GLYATL2: variants seen among roughly 807,000 people sequenced by gnomAD.
GLYATL2 encodes the protein glycine-N-acyltransferase like 2, also known as glycine N-acyltransferase-like protein 2.
GLYATL2 carries 25 observed loss-of-function variants against 21.4 expected under a neutral mutation model. That is an observed-to-expected ratio of 1.17 (90% CI 0.85 to 1.63). GLYATL2 has a LOEUF of 1.63. GLYATL2 is among the 40% of genes most tolerant of loss of function. GLYATL2 has a pLI of 0.00. For missense variants in GLYATL2, 361 were observed against 343.3 expected (o/e 1.05, Z -0.41); for synonymous variants, 114 against 118.2 (o/e 0.96, Z 0.23).
chr11:58,882,153 C>T lies in GLYATL2; in HGVS notation n.60+22003G>A, dbSNP rs148499647. Reference sequence around the variant, plus strand: ...TAGTTCTAGATCCCTGAGGAATCACCGCACTGTCTTCCACAATGGCTGAAC... The same window carrying T: ...TAGTTCTAGATCCCTGAGGAATCACTGCACTGTCTTCCACAATGGCTGAAC... On this transcript the variant is annotated intron_variant and non_coding_transcript_variant, in intron 1 of 4. Transcript: ENST00000533636. 2.2e-3 allele frequency among the ~76,000 whole-genome samples: 342 copies of T among 152,300 alleles called. 1 individual carries two copies. The highest frequency in any genetic ancestry group is 7.7e-3 in the African/African-American group (319 of 41,566).
At chr11:58,888,547 A>G (rs1214510497) in intron 1 of GLYATL2, among the ~76,000 whole-genome samples, 1 of 151,984 alleles carries the variant, frequency 6.6e-6, no homozygotes, top group African/African-American at 2.4e-5. Context: ...TAATTACATT[A>G]GTACTATTTA....
intron 1 of GLYATL2, among the ~76,000 whole-genome samples, chr11:58,860,980 C>G (rs541938160): frequency 2.4e-4 from 37 of 152,030 alleles, no homozygotes; most frequent in Admixed American, 2.2e-3. Flanking sequence ...TTTTGACATG[C>G]TGTTGAGATT....
At chr11:58,892,061 A>T (rs552511467) in intron 1 of GLYATL2, among the ~76,000 whole-genome samples, 2 of 152,294 alleles carry the variant, frequency 1.3e-5, no homozygotes, top group South Asian at 2.1e-4. Context: ...GCAGTAGCTT[A>T]TAGGCCTAGG....
chr11:58,840,365 T>C (rs143517051), intron 1 of GLYATL2, among the ~76,000 whole-genome samples: 107 of 152,220 alleles, frequency 7.0e-4, no homozygotes, highest in African/African-American at 2.5e-3. Flanking sequence ...TATTATAATA[T>C]ACTGTATATA....
intron 1 of GLYATL2, among the ~76,000 whole-genome samples, chr11:58,862,804 C>A (rs1239265863): frequency 6.9e-6 from 1 of 144,178 alleles, no homozygotes; most frequent in Non-Finnish European, 1.5e-5. Context: ...GCCTTTATTT[C>A]TTTAGGGTCA....
upstream of GLYATL2, chr11:58,904,359 T>C (rs1854804920): frequency 6.6e-6 from 1 of 152,244 alleles, no homozygotes; most frequent in Non-Finnish European, 1.5e-5. Context: ...AAATCCAGAC[T>C]TCTTCATATG....
At chr11:58,863,753 A>T (rs972381100) in intron 1 of GLYATL2, among the ~76,000 whole-genome samples, 1 of 152,076 alleles carries the variant, frequency 6.6e-6, no homozygotes, top group Non-Finnish European at 1.5e-5. Flanking sequence ...GACTAGGTCC[A>T]CAAAGGCTTG....
At chr11:58,907,503 C>G (rs1210306904), upstream of GLYATL2, 1 of 399,238 alleles carries the variant, frequency 2.5e-6, no homozygotes, top group Non-Finnish European at 5.0e-6. Flanking sequence ...GTTTTGTTTT[C>G]AGGCTAGGGG....
At chr11:58,878,944 C>T (rs183513302) in intron 1 of GLYATL2, among the ~76,000 whole-genome samples, 16 of 152,172 alleles carry the variant, frequency 1.1e-4, no homozygotes, top group East Asian at 5.8e-4. Flanking sequence ...TTGGGCAGTA[C>T]AGGGTGTCAA....
intron 5 of GLYATL2, among the ~76,000 whole-genome samples, chr11:58,835,979 G>A (rs1041878129): frequency 1.3e-5 from 2 of 152,110 alleles, no homozygotes; most frequent in African/African-American, 4.8e-5. Flanking sequence ...ATCTGTGAGT[G>A]TGTGTTTAAA....
chr11:58,908,794 C>G (rs1022095023), upstream of GLYATL2, among the ~76,000 whole-genome samples: 6 of 152,164 alleles, frequency 3.9e-5, no homozygotes, highest in Admixed American at 3.3e-4. Flanking sequence ...CACTTAAAAT[C>G]ATGGAAAGTA....
chr11:58,835,638 G>A (rs1001652999), intron 5 of GLYATL2, among the ~76,000 whole-genome samples: 4 of 152,086 alleles, frequency 2.6e-5, no homozygotes, highest in African/African-American at 9.7e-5. Flanking sequence ...GTAACAGAAC[G>A]CTAAGTTTTC....
chr11:58,905,362 G>A (rs1393086890), upstream of GLYATL2: 2 of 425,466 alleles, frequency 4.7e-6, 1 homozygote, highest in African/African-American at 4.0e-5. Context: ...TCAGGGTGGA[G>A]CTCTCTCTGC....
At chr11:58,866,015 C>T (rs1017788162) in intron 1 of GLYATL2, among the ~76,000 whole-genome samples, 18 of 148,928 alleles carry the variant, frequency 1.2e-4, no homozygotes, top group African/African-American at 4.1e-4. Flanking sequence ...GCCAAGAAAG[C>T]ATGTCCTGTG....
chr11:58,834,616 C>T lies in GLYATL2; in HGVS notation c.698G>A (p.Arg233Lys), dbSNP rs746660729. Residue 233 changes from arginine to lysine, a missense_variant, in exon 6 of 6, where the codon AGA becomes AAA. Transcript: ENST00000287275. The part of the protein sequence containing the change: ...LRMGYTVPKY[R>K]HQGNMLQIGY... ...AATTTGCAACATGTTGCCTTGGTGT[C>T]TGTATTTGGGGACAGTATAACCCAT... is the stretch of plus-strand genomic sequence containing the variant. The T allele has an allele frequency of 3.1e-6, 5 of 1,613,606 alleles. No individual in the cohort carries two copies. The highest frequency in any genetic ancestry group is 3.3e-5 in the Admixed American group (2 of 60,010).
chr11:58,871,507 C>A (rs1488735636), intron 1 of GLYATL2, among the ~76,000 whole-genome samples: 1 of 141,638 alleles, frequency 7.1e-6, no homozygotes, highest in Non-Finnish European at 1.5e-5. Context: ...TTGTTCAATT[C>A]CCACCTATGA....
chr11:58,883,541 C>G (rs1265794745), intron 1 of GLYATL2, among the ~76,000 whole-genome samples: 1 of 152,106 alleles, frequency 6.6e-6, no homozygotes, highest in African/African-American at 2.4e-5. Flanking sequence ...CCTGAATAGA[C>G]CAATAACAGG....
intron 1 of GLYATL2, among the ~76,000 whole-genome samples, chr11:58,840,420 A>G (rs962710818): frequency 2.5e-4 from 38 of 152,184 alleles, no homozygotes; most frequent in African/African-American, 7.5e-4. Context: ...CAAGTTAATG[A>G]TGGTGTATCC....
chr11:58,876,386 T>G (rs1209816061), intron 1 of GLYATL2, among the ~76,000 whole-genome samples: 1 of 152,124 alleles, frequency 6.6e-6, no homozygotes, highest in Admixed American at 6.5e-5. Context: ...GAGTTTCCAG[T>G]TTTTCTGCTC....
Sources: gnomAD v4.1 joint callset for allele counts (sites outside exome capture counted in the v4.1 genomes callset) on GRCh38, gnomAD v4.1.1 for gene constraint, MANE v1.5 for transcripts, NCBI Gene and HGNC (gene_info 2026-07-23, HGNC 2026-07-21) for gene names.